Variants in UNC79 observed in about 807,000 individuals in gnomAD.
UNC79 encodes unc-79 subunit of NALCN channel complex.
In UNC79, 37 loss-of-function variants were observed where a neutral mutation model predicts 283.1. That is an observed-to-expected ratio of 0.13 (90% CI 0.10 to 0.17). The LOEUF is 0.17. UNC79 is among the 10% of genes least tolerant of loss of function. The pLI, the probability that UNC79 is intolerant of heterozygous loss-of-function variation, is 1.00. For missense variants in UNC79, 2,272 were observed against 3,211.1 expected, an observed-to-expected ratio of 0.71 and a Z score of 7.07; for synonymous variants, 1,107 against 1,200.2, an observed-to-expected ratio of 0.92 and a Z score of 1.61.
chr14:93,556,099 G>T (rs781460539), intron 14 of UNC79, among the ~76,000 whole-genome samples: 1 of 152,080 alleles, frequency 6.6e-6, no homozygotes, highest in South Asian at 2.1e-4. Context: ...CTGGGTCCCC[G>T]CAAAGAGGCA....
intron 1 of UNC79, among the ~76,000 whole-genome samples, chr14:93,391,327 CAATT>C (rs2054878337): frequency 6.6e-6 from 1 of 152,124 alleles, no homozygotes; most frequent in African/African-American, 2.4e-5. Flanking sequence ...AGCCAGACAT[CAATT>C]CCACGTGGGT....
At chr14:93,622,753 G>T (rs1179492124) in exon 30 of UNC79, 1 of 1,614,174 alleles carries the variant, frequency 6.2e-7, no homozygotes. Context: ...AGAGGAAGCA[G>T]AGGAAGATTG....
chr14:93,563,345 T>C (rs942226419), intron 14 of UNC79, among the ~76,000 whole-genome samples: 3 of 152,160 alleles, frequency 2.0e-5, no homozygotes, highest in Admixed American at 1.3e-4. Context: ...CCAGCTTCCT[T>C]TGGAAGTAAA....
At chr14:93,359,449 C>T (rs755934363) in intron 1 of UNC79, among the ~76,000 whole-genome samples, 5 of 152,216 alleles carry the variant, frequency 3.3e-5, no homozygotes, top group Admixed American at 1.3e-4. Context: ...GAACTGCAGT[C>T]ACTCAACTAC....
At chr14:93,697,717 A>G (rs1288133807) in intron 47 of UNC79, among the ~76,000 whole-genome samples, 3 of 152,130 alleles carry the variant, frequency 2.0e-5, no homozygotes, top group Non-Finnish European at 4.4e-5. Context: ...ACCAGCCTGG[A>G]CAGCCTGGCA....
intron 1 of UNC79, among the ~76,000 whole-genome samples, chr14:93,390,983 A>C (rs1208833489): frequency 6.6e-6 from 1 of 152,246 alleles, no homozygotes; most frequent in Non-Finnish European, 1.5e-5. Flanking sequence ...ACTTTATTTG[A>C]AAATTAAAAG....
chr14:93,662,500 T>A lies in UNC79; in HGVS notation c.6526-104T>A. 8.8e-6 allele frequency: 7 copies of A among 798,126 alleles called. No homozygotes were observed. In the South Asian group the frequency reaches 1.5e-4, roughly 17 times the overall value. 49.4% of individuals were successfully genotyped at this position (798,126 alleles called of 1,614,324 possible). Reference sequence around the variant, plus strand: ...GCCACTGGGCAACAGAGTTTTCAATTAAAAAAAAGTGATTCCATTAGTTAA... The same window carrying A: ...GCCACTGGGCAACAGAGTTTTCAATAAAAAAAAAGTGATTCCATTAGTTAA... On this transcript the variant is annotated intron_variant, in intron 39 of 48. Transcript: ENST00000555664.
intron 1 of UNC79, among the ~76,000 whole-genome samples, chr14:93,346,250 C>T (rs542924159): frequency 6.6e-6 from 1 of 152,270 alleles, no homozygotes; most frequent in Non-Finnish European, 1.5e-5. Context: ...GAGTGTTACT[C>T]GTGCAATAGG....
chr14:93,359,668 C>T (rs2054179931), intron 1 of UNC79, among the ~76,000 whole-genome samples: 1 of 152,068 alleles, frequency 6.6e-6, no homozygotes, highest in Admixed American at 6.6e-5. Flanking sequence ...TACTGCATTC[C>T]TACTTAATTT....
chr14:93,350,859 A>G (rs2053968642), intron 1 of UNC79, among the ~76,000 whole-genome samples: 1 of 151,932 alleles, frequency 6.6e-6, no homozygotes, highest in African/African-American at 2.4e-5. Flanking sequence ...GTTGTGGCCT[A>G]ATACTAAAAT....
intron 42 of UNC79, among the ~76,000 whole-genome samples, chr14:93,684,440 AG>A (rs1381555942): frequency 1.3e-5 from 2 of 152,254 alleles, no homozygotes; most frequent in Non-Finnish European, 2.9e-5. Flanking sequence ...TAACATCATC[AG>A]GGTATTGTTT....
At chr14:93,354,904 A>G (rs574923991) in intron 1 of UNC79, among the ~76,000 whole-genome samples, 6 of 152,336 alleles carry the variant, frequency 3.9e-5, no homozygotes, top group Non-Finnish European at 1.5e-5. Flanking sequence ...GTACTTTATG[A>G]AAGTAAATAT....
intron 30 of UNC79, among the ~76,000 whole-genome samples, chr14:93,623,073 C>G (rs2067258995): frequency 6.6e-6 from 1 of 152,212 alleles, no homozygotes; most frequent in South Asian, 2.1e-4. Flanking sequence ...TTAAACTCTG[C>G]AGTCAATTCT....
At position 93,637,325 on chromosome 14, in the gene UNC79, C is replaced by T; in HGVS notation, c.5800+26C>T. 4 of 1,611,484 alleles carry T rather than the reference C, an allele frequency of 2.5e-6. No homozygotes were observed. In the South Asian group the frequency reaches 3.3e-5, roughly 13 times the overall value. On this transcript the variant is annotated intron_variant, in intron 32 of 48. Transcript: ENST00000555664. ...GTTAGTTGAGTCACAGAGTCTCTGG[C>T]TGTAAAAGCTGAAGGAGACTGGACA...
At chr14:93,385,576 C>T (rs943298782) in intron 1 of UNC79, among the ~76,000 whole-genome samples, 4 of 152,010 alleles carry the variant, frequency 2.6e-5, no homozygotes, top group African/African-American at 7.2e-5. Flanking sequence ...GCCAGGCATT[C>T]GAGACCAGCC....
chr14:93,694,863 T>C (rs2074976590), intron 47 of UNC79, among the ~76,000 whole-genome samples: 1 of 152,202 alleles, frequency 6.6e-6, no homozygotes. Context: ...GCAAAACATA[T>C]CCAGAAAACC....
chr14:93,423,866 A>G (rs1252319377), intron 1 of UNC79, among the ~76,000 whole-genome samples: 1 of 152,200 alleles, frequency 6.6e-6, no homozygotes, highest in Non-Finnish European at 1.5e-5. Flanking sequence ...GACAAATGGG[A>G]TCACATCAAG....
At chr14:93,520,805 C>T (rs929765845) in intron 7 of UNC79, among the ~76,000 whole-genome samples, 1 of 152,018 alleles carries the variant, frequency 6.6e-6, no homozygotes, top group Admixed American at 6.6e-5. Flanking sequence ...TGCCTATCTT[C>T]ATGCTTTCCT....
At position 93,681,281 on chromosome 14, in the gene UNC79, C is replaced by T. The variant is rs567157126; in HGVS notation, c.6742-1336C>T. Among the ~76,000 whole-genome samples the T allele has an allele frequency of 5.9e-5, 9 of 152,304 alleles. No individual in the cohort carries two copies. The South Asian group carries it at 1.0e-3, about 18-fold the overall frequency. Reference sequence around the variant, plus strand: ...GCCCCCATTCAGTTACATATACTTACGTGCTTTCCATGGAGGACGCCCCTC... The same window carrying T: ...GCCCCCATTCAGTTACATATACTTATGTGCTTTCCATGGAGGACGCCCCTC... On this transcript the variant is annotated intron_variant, in intron 41 of 48. Coordinates refer to ENST00000555664, the Ensembl canonical transcript of UNC79.
Sources: gnomAD v4.1 joint callset for allele counts (sites outside exome capture counted in the v4.1 genomes callset) on GRCh38, gnomAD v4.1.1 for gene constraint, MANE v1.5 for transcripts, NCBI Gene and HGNC (gene_info 2026-07-23, HGNC 2026-07-21) for gene names.